Variants in ATP6V0A4 observed in about 807,000 individuals in gnomAD.
ATP6V0A4 encodes ATPase H+ transporting V0 subunit a4, also known as V-type proton ATPase 116 kDa subunit a 4.
ATP6V0A4 carries 86 observed loss-of-function variants against 107.3 expected under a neutral mutation model. That is an observed-to-expected ratio of 0.80 (90% CI 0.67 to 0.96). ATP6V0A4 has a LOEUF of 0.96. Ranked by LOEUF, ATP6V0A4 falls within the 40% of genes least tolerant of loss-of-function variation. The probability of loss-of-function intolerance (pLI) is 0.00; values close to 1 mark genes in which losing one functional copy is unlikely to be tolerated. For missense variants in ATP6V0A4, 908 were observed against 1,045.6 expected, an observed-to-expected ratio of 0.87 and a Z score of 1.81; for synonymous variants, 353 against 381.4, an observed-to-expected ratio of 0.93 and a Z score of 0.87.
At chr7:138,713,878 A>G (rs2117188261) in intron 20 of ATP6V0A4, among the ~76,000 whole-genome samples, 1 of 151,632 alleles carries the variant, frequency 6.6e-6, no homozygotes, top group Non-Finnish European at 1.5e-5. Flanking sequence ...AGGCAGGAGG[A>G]CTGTTTGAGC....
intron 16 of ATP6V0A4, 42 bp downstream of exon 16, chr7:138,734,094 G>A (rs1805177557): frequency 6.4e-7 from 1 of 1,569,802 alleles, no homozygotes; most frequent in Non-Finnish European, 8.8e-7. Flanking sequence ...CATCATCAGT[G>A]TGATCAGACA....
At chr7:138,751,891 C>T (rs1003815877) in intron 11 of ATP6V0A4, among the ~76,000 whole-genome samples, 10 of 152,078 alleles carry the variant, frequency 6.6e-5, no homozygotes, top group African/African-American at 1.9e-4. Context: ...TAGTCCTAGC[C>T]ACTTGGGAGG....
intron 7 of ATP6V0A4, among the ~76,000 whole-genome samples, chr7:138,760,785 T>C (rs550821537): frequency 6.6e-6 from 1 of 152,270 alleles, no homozygotes; most frequent in Admixed American, 6.5e-5. Context: ...CCCTCAAATA[T>C]TTATTGAATA....
chr7:138,707,541 A>G (rs1487496230), intron 21 of ATP6V0A4, among the ~76,000 whole-genome samples: 2 of 148,644 alleles, frequency 1.3e-5, no homozygotes, highest in African/African-American at 5.0e-5. Context: ...AGCTGGGATT[A>G]CAGATGCCCA....
intron 20 of ATP6V0A4, 143 bp from the exon 21 acceptor site, chr7:138,709,938 T>G: frequency 1.0e-6 from 1 of 972,140 alleles, no homozygotes; most frequent in Non-Finnish European, 1.4e-6. Flanking sequence ...GGTCTCCAAC[T>G]CCTGGCCTGA....
rs146288345 is a variant in ATP6V0A4 at position 138,721,985 on chromosome 7, A to G, written c.2051T>C (p.Ile684Thr). ...AGAAGGGCTGGAGCTATCACCTTCA[A>G]TGTTCTCAGTGGCATCTTCTTGGAT... ...SRIQEDATEN[I>T]EGDSSSPSSR... The change falls in exon 19 of 22, where the codon ATT becomes ACT. Residue 684 changes from isoleucine to threonine, a missense_variant. By Grantham distance (89) the Ile-to-Thr change is moderately conservative. Coordinates refer to ENST00000310018, the MANE Select transcript of ATP6V0A4 (RefSeq NM_020632.3). The G allele has an allele frequency of 6.8e-5, 110 of 1,614,010 alleles. No individual in the cohort carries two copies. The highest frequency in any genetic ancestry group is 9.2e-5 in the Non-Finnish European group (109 of 1,180,022).
chr7:138,715,560 G>A (rs571514030), intron 20 of ATP6V0A4, among the ~76,000 whole-genome samples: 6 of 152,324 alleles, frequency 3.9e-5, no homozygotes, highest in Admixed American at 3.9e-4. Context: ...AGCAGTAGGA[G>A]ACTATTAATA....
intron 5 of ATP6V0A4, among the ~76,000 whole-genome samples, chr7:138,763,282 A>G (rs769410881): frequency 6.6e-6 from 1 of 152,242 alleles, no homozygotes. Flanking sequence ...GTGGATGGCC[A>G]CTTCATGGAG....
intron 19 of ATP6V0A4, among the ~76,000 whole-genome samples, chr7:138,718,148 AAGGGGGG>A (rs1804173596): frequency 6.7e-5 from 2 of 29,776 alleles, no homozygotes; most frequent in African/African-American, 2.3e-4. Context: ...TCCAGGAAGG[AAGGGGGG>A]ATGCAGTCAC....
chr7:138,771,909 C>A (rs548133034), intron 2 of ATP6V0A4, among the ~76,000 whole-genome samples: 79 of 151,894 alleles, frequency 5.2e-4, no homozygotes, highest in Admixed American at 2.3e-3. Flanking sequence ...GCATGAGCCA[C>A]TGCTCTCAGC....
rs775736349 is a variant in ATP6V0A4, at chr7:138,715,154, C to T, written c.2257+610G>A. ...GGCTGCCCACGCCTTGATTTTAGGA[C>T]TCTGGCTTCAAAAACTGGAAGACAC... On this transcript the variant is annotated intron_variant, in intron 20 of 21. Coordinates refer to ENST00000310018, the MANE Select transcript of ATP6V0A4 (RefSeq NM_020632.3). Among the ~76,000 whole-genome samples, 10 of 152,336 alleles carry T rather than the reference C, an allele frequency of 6.6e-5. No individual in the cohort carries two copies. The East Asian group carries it at 1.7e-3, about 26-fold the overall frequency.
intron 20 of ATP6V0A4, chr7:138,709,996 G>A (rs893635974): frequency 5.9e-5 from 11 of 187,256 alleles, no homozygotes; most frequent in Non-Finnish European, 9.9e-5. Flanking sequence ...AATCAGGCGT[G>A]AGCCACCACA....
In ATP6V0A4 at chr7:138,715,831, G is replaced by A. The variant is rs371319351; in HGVS notation, c.2190C>T (p.Tyr730=). 1 of 1,613,766 alleles carries A rather than the reference G, an allele frequency of 6.2e-7. No homozygotes were observed. Among genetic ancestry groups the A allele is most frequent in the Non-Finnish European group, 8.5e-7 (1 of 1,179,802 alleles). ...CTGTGTTTGAAATGCAGCCCAGGCAGTACTCGATGGTGTGGATGGCTTGGT... is the reference window on the plus strand; with the variant it reads ...CTGTGTTTGAAATGCAGCCCAGGCAATACTCGATGGTGTGGATGGCTTGGT... ...FVHQAIHTIE[Y]CLGCISNTAS... is the part of the protein sequence containing the mutation. Residue 730 remains tyrosine (Y), a synonymous_variant, in exon 20 of 22, where the codon TAC becomes TAT. Transcript: ENST00000310018.
At chr7:138,737,981 C>T (rs1805433161) in intron 15 of ATP6V0A4, among the ~76,000 whole-genome samples, 1 of 151,190 alleles carries the variant, frequency 6.6e-6, no homozygotes. Flanking sequence ...AGGCTGGTCT[C>T]GAACTCCTGA....
At chr7:138,776,400 G>T (rs1208856468) in intron 2 of ATP6V0A4, among the ~76,000 whole-genome samples, 1 of 152,248 alleles carries the variant, frequency 6.6e-6, no homozygotes, top group Non-Finnish European at 1.5e-5. Flanking sequence ...TGCCAGGGCA[G>T]ATCTGTCCAA....
At chr7:138,727,211 G>A (rs928536773) in intron 18 of ATP6V0A4, among the ~76,000 whole-genome samples, 2 of 151,850 alleles carry the variant, frequency 1.3e-5, no homozygotes, top group African/African-American at 2.4e-5. Context: ...CCCGGGAGTC[G>A]GAGGCTGCAG....
At chr7:138,725,514 A>G (rs929331029) in intron 18 of ATP6V0A4, among the ~76,000 whole-genome samples, 3 of 147,138 alleles carry the variant, frequency 2.0e-5, no homozygotes, top group African/African-American at 7.7e-5. Context: ...GGCAAAAAAA[A>G]CTTTTTTTTT....
At chr7:138,730,931 C>CTTTTTTTTTTTTT (rs66521953) in intron 17 of ATP6V0A4, among the ~76,000 whole-genome samples, 1 of 123,758 alleles carries the variant, frequency 8.1e-6, no homozygotes, top group Non-Finnish European at 1.6e-5. Context: ...TCTTCTTCTT[C>CTTTTTTTTTTTTT]TTTTTTTATT....
At chr7:138,779,353 A>T (rs531170914) in intron 2 of ATP6V0A4, among the ~76,000 whole-genome samples, 81 of 151,530 alleles carry the variant, frequency 5.3e-4, no homozygotes, top group African/African-American at 1.8e-3. Context: ...ATCTTAAAAA[A>T]AAATAAATAA....
Sources: allele counts gnomAD v4.1 joint callset (sites outside exome capture counted in the v4.1 genomes callset), GRCh38; gene constraint gnomAD v4.1.1; transcripts MANE v1.5; gene names NCBI Gene and HGNC (gene_info 2026-07-23, HGNC 2026-07-21).